LPP: variants seen among roughly 807,000 people sequenced by gnomAD.
LPP encodes lipoma-preferred partner.
Under a neutral mutation model 60.4 loss-of-function variants are expected in LPP, and 38 were observed. The observed-to-expected ratio is 0.63, with a 90% confidence interval of 0.49 to 0.83. The LOEUF is 0.83. Among genes scored for constraint, LPP ranks in the 40% least tolerant of loss-of-function variants. The probability of loss-of-function intolerance (pLI) is 0.00; values close to 1 mark genes in which losing one functional copy is unlikely to be tolerated. For missense variants in LPP, 902 were observed against 783.6 expected (o/e 1.15, Z -1.80); for synonymous variants, 328 against 290.8 (o/e 1.13, Z -1.30).
At chr3:188,660,964 C>A (rs1854449312) in intron 7 of LPP, among the ~76,000 whole-genome samples, 1 of 152,122 alleles carries the variant, frequency 6.6e-6, no homozygotes, top group African/African-American at 2.4e-5. Flanking sequence ...GGAATACTTT[C>A]ACTGCCCCTA....
chr3:188,692,798 A>G (rs1448817301), intron 7 of LPP, among the ~76,000 whole-genome samples: 1 of 152,202 alleles, frequency 6.6e-6, no homozygotes, highest in Non-Finnish European at 1.5e-5. Context: ...GCTAGGTTGC[A>G]TCTTGCAAGA....
chr3:188,663,398 G>T (rs1197395455), intron 7 of LPP, among the ~76,000 whole-genome samples: 1 of 152,132 alleles, frequency 6.6e-6, no homozygotes, highest in Non-Finnish European at 1.5e-5. Flanking sequence ...CCACAGGAGG[G>T]TTTATTTTTG....
At chr3:188,266,923 G>C (rs1735786395) in intron 2 of LPP, among the ~76,000 whole-genome samples, 1 of 152,166 alleles carries the variant, frequency 6.6e-6, no homozygotes, top group Admixed American at 6.5e-5. Context: ...CAGATAGAAA[G>C]ATAGAGGAAT....
intron 2 of LPP, among the ~76,000 whole-genome samples, chr3:188,258,683 CA>C (rs1157988759): frequency 1.3e-5 from 2 of 151,452 alleles, no homozygotes; most frequent in Non-Finnish European, 2.9e-5. Flanking sequence ...GCTATTAGCG[CA>C]AAAAAAAGTA....
At chr3:188,838,408 C>G (rs761995365) in intron 9 of LPP, among the ~76,000 whole-genome samples, 1 of 152,132 alleles carries the variant, frequency 6.6e-6, no homozygotes, top group Non-Finnish European at 1.5e-5. Flanking sequence ...TGGTCCTAAA[C>G]ATTTGACATA....
At chr3:188,394,743 G>A (rs1780508557) in intron 3 of LPP, among the ~76,000 whole-genome samples, 1 of 152,124 alleles carries the variant, frequency 6.6e-6, no homozygotes, top group Non-Finnish European at 1.5e-5. Flanking sequence ...GTCCATAGAT[G>A]TGATTCTGAA....
intron 5 of LPP, among the ~76,000 whole-genome samples, chr3:188,490,908 C>G (rs1808170884): frequency 6.6e-6 from 1 of 151,904 alleles, no homozygotes; most frequent in Non-Finnish European, 1.5e-5. Context: ...GCACCCACCA[C>G]CACACCTGGC....
intron 2 of LPP, among the ~76,000 whole-genome samples, chr3:188,301,018 C>G (rs539165324): frequency 7.2e-4 from 109 of 152,280 alleles, no homozygotes; most frequent in African/African-American, 2.5e-3. Flanking sequence ...GTCTGCTCAG[C>G]ATCTTATCTT....
At chr3:188,518,571 GAA>G (rs1465713988) in intron 5 of LPP, among the ~76,000 whole-genome samples, 1 of 152,044 alleles carries the variant, frequency 6.6e-6, no homozygotes, top group Non-Finnish European at 1.5e-5. Context: ...AAGCACAGTT[GAA>G]AAAAATAGGA....
intron 1 of LPP, among the ~76,000 whole-genome samples, chr3:188,218,812 A>G (rs1203956177): frequency 2.0e-5 from 3 of 152,182 alleles, no homozygotes; most frequent in Non-Finnish European, 4.4e-5. Flanking sequence ...AAATAGCACT[A>G]TGAATAACAT....
chr3:188,733,661 T>C (rs529278881), intron 8 of LPP, among the ~76,000 whole-genome samples: 2 of 152,312 alleles, frequency 1.3e-5, no homozygotes, highest in Admixed American at 6.5e-5. Flanking sequence ...AAGGAAACTC[T>C]TGACTTTGCT....
At chr3:188,786,580 T>TTATCCCAGGGAAATGAAGACTTGTA (rs1417283100) in intron 9 of LPP, among the ~76,000 whole-genome samples, 1 of 152,174 alleles carries the variant, frequency 6.6e-6, no homozygotes, top group South Asian at 2.1e-4. Context: ...TCCTGGGCAT[T>TTATCCCAGGGAAATGAAGACTTGTA]TATCCCAGGG....
intron 1 of LPP, among the ~76,000 whole-genome samples, chr3:188,170,329 C>CTTTTTTTTT (rs34760455): frequency 2.1e-4 from 20 of 96,340 alleles, no homozygotes; most frequent in South Asian, 3.8e-4. Flanking sequence ...CTTTTCTTTT[C>CTTTTTTTTT]TTTTTTTTTT....
At chr3:188,312,905 G>C (rs1182565108) in intron 2 of LPP, 2 of 151,778 alleles carry the variant, frequency 1.3e-5, no homozygotes, top group African/African-American at 4.8e-5. Flanking sequence ...AAGACCGCAT[G>C]TTCTTACTCA....
At chr3:188,415,591 C>A (rs750642706) in intron 4 of LPP, among the ~76,000 whole-genome samples, 26 of 151,734 alleles carry the variant, frequency 1.7e-4, no homozygotes, top group Non-Finnish European at 3.5e-4. Flanking sequence ...TACAGCCATA[C>A]AATGGAATAA....
chr3:188,827,955 T>C lies in LPP; in HGVS notation c.1411-38245T>C, dbSNP rs1381853801. 2.6e-5 allele frequency among the ~76,000 whole-genome samples: 4 copies of C among 152,192 alleles called. No individual in the cohort carries two copies. In the East Asian group the frequency reaches 7.7e-4, roughly 29 times the overall value. On this transcript the variant is annotated intron_variant, in intron 9 of 11. Coordinates refer to ENST00000617246, the MANE Select transcript of LPP (RefSeq NM_001375462.1). The stretch of plus-strand genomic sequence containing the variant: ...GTCTACCTTTGTATGGTACATCTCA[T>C]CCCTCTTCTAAATATTTCCATCTGA...
At chr3:188,747,451 GC>G (rs1240010295) in intron 8 of LPP, among the ~76,000 whole-genome samples, 1 of 152,178 alleles carries the variant, frequency 6.6e-6, no homozygotes, top group African/African-American at 2.4e-5. Flanking sequence ...TTCTGAAGGG[GC>G]TTATTCTCTG....
At chr3:188,860,169 T>G (rs1764846140) in intron 9 of LPP, among the ~76,000 whole-genome samples, 1 of 151,970 alleles carries the variant, frequency 6.6e-6, no homozygotes, top group South Asian at 2.1e-4. Flanking sequence ...AAATGATATC[T>G]TCACTTGCAA....
At chr3:188,371,639 A>ATTTT (rs1409761562) in intron 3 of LPP, among the ~76,000 whole-genome samples, 1 of 27,658 alleles carries the variant, frequency 3.6e-5, no homozygotes, top group Non-Finnish European at 7.9e-5. Flanking sequence ...ATATATATAT[A>ATTTT]TATTTTTTTT....
Sources: gnomAD v4.1 joint callset for allele counts (sites outside exome capture counted in the v4.1 genomes callset) on GRCh38, gnomAD v4.1.1 for gene constraint, MANE v1.5 for transcripts, NCBI Gene and HGNC (gene_info 2026-07-23, HGNC 2026-07-21) for gene names.